PRDM1: variants seen among roughly 807,000 people sequenced by gnomAD.
PRDM1 encodes the protein PR domain zinc finger protein 1.
PRDM1 carries 13 observed loss-of-function variants against 62.8 expected under a neutral mutation model. The ratio of observed to expected loss-of-function variants is 0.21; its 90% confidence interval spans 0.13 to 0.33. The LOEUF is 0.33. Ranked by LOEUF, PRDM1 falls within the 10% of genes least tolerant of loss-of-function variation. The pLI is 1.00. For missense variants in PRDM1, 895 were observed against 1,058.8 expected (o/e 0.85, Z 2.15); for synonymous variants, 396 against 417.6 (o/e 0.95, Z 0.63).
At chr6:106,064,549 T>A (rs541918253) in intron 1 of PRDM1, among the ~76,000 whole-genome samples, 110 of 152,272 alleles carry the variant, frequency 7.2e-4, no homozygotes, top group Non-Finnish European at 1.2e-3. Context: ...CAAGAATGAG[T>A]ACTTGTCGTC....
At chr6:106,034,579 C>T (rs909388291) in intron 1 of PRDM1, among the ~76,000 whole-genome samples, 4 of 150,516 alleles carry the variant, frequency 2.7e-5, no homozygotes, top group Non-Finnish European at 5.9e-5. Context: ...TGTCTAACTT[C>T]ATTCCATTGT....
chr6:106,033,259 C>T (rs1358860061), intron 1 of PRDM1, among the ~76,000 whole-genome samples: 1 of 151,954 alleles, frequency 6.6e-6, no homozygotes, highest in African/African-American at 2.4e-5. Context: ...CCACCACCAC[C>T]TCAGCTTCCC....
At chr6:106,093,181 A>C (rs1774007866) in intron 2 of PRDM1, among the ~76,000 whole-genome samples, 1 of 152,194 alleles carries the variant, frequency 6.6e-6, no homozygotes, top group Non-Finnish European at 1.5e-5. Flanking sequence ...ATGAGTCTAT[A>C]GTTGTGCTCA....
At position 106,108,641 on chromosome 6, in the gene PRDM1, C is replaced by A. The variant is rs1405990791; in HGVS notation, c.*1155C>A. 7 of 227,016 alleles carry A rather than the reference C, an allele frequency of 3.1e-5. No homozygotes were observed. The highest frequency in any genetic ancestry group is 6.1e-5 in the East Asian group (1 of 16,368). 14.1% of individuals were successfully genotyped at this position (227,016 alleles called of 1,614,324 possible). ...AAACAAACACACAAACAACAAAAAA[C>A]GGGTATTCTAGTCATCTTGGGGTAA... On this transcript the variant is annotated 3_prime_UTR_variant, in exon 7 of 7. Transcript: ENST00000369096.
chr6:106,083,399 C>T (rs549971544), upstream of PRDM1, among the ~76,000 whole-genome samples: 2 of 151,600 alleles, frequency 1.3e-5, no homozygotes, highest in East Asian at 1.9e-4. Flanking sequence ...AAGTTCCTTT[C>T]GAAAAAAAAA....
chr6:106,076,471 A>T (rs1423761837), intron 1 of PRDM1, among the ~76,000 whole-genome samples: 4 of 152,200 alleles, frequency 2.6e-5, no homozygotes, highest in African/African-American at 9.6e-5. Flanking sequence ...GGTGTTGATT[A>T]TGTTACATCA....
In PRDM1 at chr6:106,106,511, T is replaced by C. The variant is rs969392537; in HGVS notation, c.1902+12T>C. Reference sequence around the variant, plus strand: ...CACATGAATGCCAGGTGCGCAGTATTTTCTGGGTAGACCTTCTGACCTTTG... The same window carrying C: ...CACATGAATGCCAGGTGCGCAGTATCTTCTGGGTAGACCTTCTGACCTTTG... On this transcript the variant is annotated intron_variant, in intron 6 of 6. Transcript: ENST00000369096. The surrounding 1 kb of genome is among the most constrained non-coding windows in gnomAD (Gnocchi z 4.4). The C allele has an allele frequency of 1.2e-6, 2 of 1,612,560 alleles. No homozygotes were observed. The highest frequency in any genetic ancestry group is 3.3e-5 in the Admixed American group (2 of 60,016).
upstream of PRDM1, chr6:106,086,224 G>A (rs566770585): frequency 1.1e-5 from 4 of 370,408 alleles, no homozygotes; most frequent in South Asian, 7.6e-5. Context: ...CTAGCAATCT[G>A]GGGGAAAGCC....
chr6:106,074,673 G>A (rs749667355), intron 1 of PRDM1, among the ~76,000 whole-genome samples: 1 of 152,078 alleles, frequency 6.6e-6, no homozygotes, highest in Non-Finnish European at 1.5e-5. Flanking sequence ...GGGGACGAGG[G>A]GGGATATAAA....
chr6:106,030,569 G>A (rs116685593), intron 1 of PRDM1, among the ~76,000 whole-genome samples: 84 of 152,050 alleles, frequency 5.5e-4, no homozygotes, highest in African/African-American at 2.0e-3. Context: ...TTTTTGACGG[G>A]GGTGGGGGGC....
At chr6:106,052,392 G>A (rs1364095387) in intron 1 of PRDM1, among the ~76,000 whole-genome samples, 1 of 151,974 alleles carries the variant, frequency 6.6e-6, no homozygotes, top group East Asian at 1.9e-4. Flanking sequence ...TGTTTTAAAG[G>A]TATGGTCGTC....
At chr6:106,052,735 G>A (rs1377759089) in intron 1 of PRDM1, among the ~76,000 whole-genome samples, 1 of 152,082 alleles carries the variant, frequency 6.6e-6, no homozygotes, top group East Asian at 1.9e-4. Flanking sequence ...CACTTTGGGA[G>A]GCCAAGGTAG....
intron 1 of PRDM1, among the ~76,000 whole-genome samples, chr6:106,013,678 G>T (rs1021954642): frequency 1.3e-5 from 2 of 152,148 alleles, no homozygotes; most frequent in Non-Finnish European, 2.9e-5. Context: ...TTCACCAAGA[G>T]CCAATATTGT....
At chr6:106,035,875 T>C (rs1021080970) in intron 1 of PRDM1, among the ~76,000 whole-genome samples, 5 of 152,176 alleles carry the variant, frequency 3.3e-5, no homozygotes, top group South Asian at 2.1e-4. Context: ...TTAAAGTAAT[T>C]ACTGATGAAG....
chr6:106,075,955 A>T lies in PRDM1; in HGVS notation c.-66-12246A>T, dbSNP rs574159736. Among the ~76,000 whole-genome samples the T allele has an allele frequency of 9.2e-3, 1,347 of 146,228 alleles. 10 individuals carry two copies. Among genetic ancestry groups the T allele is most frequent in the African/African-American group, 0.031 (1,235 of 39,916 alleles). On this transcript the variant is annotated intron_variant, in intron 1 of 6. Transcript: ENST00000651185. ...ACTACAGGGAAAATTAAAAAAAAAA[A>T]TTTTTTTTTTTTTTGAGACAGAGTC... is the stretch of plus-strand genomic sequence containing the variant.
intron 1 of PRDM1, among the ~76,000 whole-genome samples, chr6:106,015,630 G>A (rs559157944): frequency 1.1e-4 from 17 of 152,170 alleles, no homozygotes; most frequent in African/African-American, 3.9e-4. Context: ...AGACAGGACC[G>A]AGGGTGGGAC....
intron 1 of PRDM1, among the ~76,000 whole-genome samples, chr6:105,993,717 G>T (rs760413638): frequency 2.6e-5 from 4 of 152,210 alleles, no homozygotes; most frequent in Non-Finnish European, 5.9e-5. Context: ...ATACATTTGG[G>T]CTAGGATTTT....
At chr6:106,011,969 CACAA>C (rs1472784856) in intron 1 of PRDM1, among the ~76,000 whole-genome samples, 1 of 148,922 alleles carries the variant, frequency 6.7e-6, no homozygotes, top group Non-Finnish European at 1.5e-5. Flanking sequence ...TACACACACA[CACAA>C]ACATACCACA....
intron 3 of PRDM1, 124 bp downstream of exon 3, chr6:106,095,858 C>A: frequency 1.9e-6 from 2 of 1,044,978 alleles, no homozygotes; most frequent in Non-Finnish European, 2.8e-6. Flanking sequence ...AAGTATCCAG[C>A]ATCCCCATGG....
Sources: gnomAD v4.1 joint callset for allele counts (sites outside exome capture counted in the v4.1 genomes callset) on GRCh38, gnomAD v4.1.1 for gene constraint, Gnocchi (gnomAD v3.1) non-coding constraint, MANE v1.5 for transcripts, NCBI Gene and HGNC (gene_info 2026-07-23, HGNC 2026-07-21) for gene names.